NEK7: variants seen among roughly 807,000 people sequenced by gnomAD.
NEK7 encodes the protein NIMA related kinase 7.
In NEK7, 18 loss-of-function variants were observed where a neutral mutation model predicts 44.6. The ratio of observed to expected loss-of-function variants is 0.40; its 90% CI spans 0.28 to 0.60. NEK7 has a LOEUF of 0.60. Among genes scored for constraint, NEK7 ranks in the 20% least tolerant of loss-of-function variants. NEK7 has a pLI of 0.38. For synonymous variants in NEK7, 130 were observed against 121.1 expected (o/e 1.07, Z -0.48); for missense variants, 256 against 366.5 (o/e 0.70, Z 2.46).
intron 7 of NEK7, among the ~76,000 whole-genome samples, chr1:198,290,119 T>TC (rs1304130919): frequency 6.6e-6 from 1 of 152,226 alleles, no homozygotes; most frequent in East Asian, 1.9e-4. Context: ...CATAAGTATC[T>TC]GCTATTGCAA....
chr1:198,261,546 G>T (rs1571584545), intron 3 of NEK7, among the ~76,000 whole-genome samples: 1 of 151,742 alleles, frequency 6.6e-6, no homozygotes, highest in Non-Finnish European at 1.5e-5. Flanking sequence ...TCTTTTCCTG[G>T]AATGTTAGCT....
intron 5 of NEK7, among the ~76,000 whole-genome samples, chr1:198,275,030 T>A (rs1036805705): frequency 1.3e-5 from 2 of 151,764 alleles, no homozygotes; most frequent in Non-Finnish European, 3.0e-5. Flanking sequence ...TAATATAATC[T>A]GATGTTTGTA....
chr1:198,309,172 C>A (rs918981687), intron 9 of NEK7, among the ~76,000 whole-genome samples: 1 of 152,102 alleles, frequency 6.6e-6, no homozygotes, highest in Non-Finnish European at 1.5e-5. Flanking sequence ...AAGAGATATA[C>A]AGTGAGCAGA....
chr1:198,283,947 A>T (rs1274486018), intron 7 of NEK7, among the ~76,000 whole-genome samples: 2 of 152,112 alleles, frequency 1.3e-5, no homozygotes, highest in African/African-American at 4.8e-5. Flanking sequence ...CATTTACTTA[A>T]AGGCTAATTC....
chr1:198,159,302 A>AAAAG (rs1664026577), intron 1 of NEK7, among the ~76,000 whole-genome samples: 1 of 151,888 alleles, frequency 6.6e-6, no homozygotes, highest in African/African-American at 2.4e-5. Context: ...AGAAAGAAAG[A>AAAAG]AAGGAAGGAA....
chr1:198,253,194 A>C lies in NEK7; in HGVS notation c.198+14A>C. 6.5e-7 allele frequency: 1 copy of C among 1,543,192 alleles called. No individual in the cohort carries two copies. The highest frequency in any genetic ancestry group is 1.2e-5 in the South Asian group (1 of 86,644). On this transcript the variant is annotated intron_variant, in intron 3 of 9. Transcript: ENST00000367385. ...AAAAAAGTGCAGGTAAGATGACTTT[A>C]ATTATATAAATCAATGTAAAATTAT...
At chr1:198,220,229 C>T (rs1001667468) in intron 1 of NEK7, among the ~76,000 whole-genome samples, 1 of 151,940 alleles carries the variant, frequency 6.6e-6, no homozygotes, top group African/African-American at 2.4e-5. Context: ...TTCAAGCTGG[C>T]TTTTATGTCT....
intron 1 of NEK7, among the ~76,000 whole-genome samples, chr1:198,232,228 T>A (rs1215771664): frequency 1.3e-5 from 2 of 152,086 alleles, no homozygotes; most frequent in African/African-American, 4.8e-5. Context: ...GCTTACTCTG[T>A]TACTTAGCTT....
rs1664059572 is a variant in NEK7 at position 198,160,130 on chromosome 1, T to A, written c.-29+2854T>A. Among the ~76,000 whole-genome samples, 3 of 152,240 alleles carry A rather than the reference T, an allele frequency of 2.0e-5. No homozygotes were observed. In the South Asian group the frequency reaches 6.2e-4, roughly 32 times the overall value. On this transcript the variant is annotated intron_variant, in intron 1 of 9. Transcript: ENST00000367385. ...CAGTGTTTCCAGAACTAAACACTATTTTCCTAGGAACTATCTGATGTTTTA... is the reference window on the plus strand; with the variant it reads ...CAGTGTTTCCAGAACTAAACACTATATTCCTAGGAACTATCTGATGTTTTA...
At chr1:198,198,951 T>C (rs1420123301) in intron 1 of NEK7, among the ~76,000 whole-genome samples, 2 of 152,228 alleles carry the variant, frequency 1.3e-5, no homozygotes, top group African/African-American at 2.4e-5. Flanking sequence ...TTTTAATAAT[T>C]GCACTACTGC....
chr1:198,263,479 C>T (rs12074760), intron 4 of NEK7, among the ~76,000 whole-genome samples: 26,769 of 151,738 alleles, frequency 0.18, 3,390 homozygotes, highest in African/African-American at 0.33. Context: ...CATAATTTCT[C>T]AGAGAAACAA....
intron 1 of NEK7, among the ~76,000 whole-genome samples, chr1:198,179,798 AGTGTGTGTGTGTGTGTATGTAT>A (rs1664705946): frequency 6.6e-6 from 1 of 150,708 alleles, no homozygotes; most frequent in Non-Finnish European, 1.5e-5. Context: ...GTTACACAGG[AGTGTGTGTGTGTGTGTATGTAT>A]GTGTGTGTGT....
intron 1 of NEK7, among the ~76,000 whole-genome samples, chr1:198,168,198 T>C (rs535436911): frequency 6.6e-6 from 1 of 152,252 alleles, no homozygotes; most frequent in Admixed American, 6.5e-5. Context: ...TGACACTTAG[T>C]GTGAGCTAAA....
chr1:198,205,478 A>C (rs1324136346), intron 1 of NEK7, among the ~76,000 whole-genome samples: 1 of 152,170 alleles, frequency 6.6e-6, no homozygotes, highest in Non-Finnish European at 1.5e-5. Context: ...TATTTAAAAC[A>C]AAAAAAGCTC....
chr1:198,223,076 C>G (rs947530245), intron 1 of NEK7, among the ~76,000 whole-genome samples: 5 of 152,050 alleles, frequency 3.3e-5, no homozygotes, highest in African/African-American at 1.2e-4. Flanking sequence ...AGAGACTGGG[C>G]TGGAAATGTG....
chr1:198,305,547 T>C (rs929481097), intron 9 of NEK7, among the ~76,000 whole-genome samples: 3 of 152,188 alleles, frequency 2.0e-5, no homozygotes, highest in Admixed American at 1.3e-4. Flanking sequence ...TGTAAGTTTG[T>C]AATCCGGAGT....
At chr1:198,161,837 CAAAG>C (rs902996352) in intron 1 of NEK7, among the ~76,000 whole-genome samples, 1 of 151,954 alleles carries the variant, frequency 6.6e-6, no homozygotes, top group Non-Finnish European at 1.5e-5. Flanking sequence ...AACTACTAGA[CAAAG>C]AAACATACCA....
chr1:198,260,402 T>C (rs1653418967), intron 3 of NEK7, among the ~76,000 whole-genome samples: 1 of 152,002 alleles, frequency 6.6e-6, no homozygotes, highest in African/African-American at 2.4e-5. Context: ...GATTTGCCAC[T>C]CATAGTCCTT....
At position 198,239,965 on chromosome 1, in the gene NEK7, A is replaced by G. The variant is rs74857201; in HGVS notation, c.57+7328A>G. Among the ~76,000 whole-genome samples, 97 of 152,346 alleles carry G rather than the reference A, an allele frequency of 6.4e-4. No homozygotes were observed. The East Asian group carries it at 0.017, about 26-fold the overall frequency. ...CTATACTGTAGGCAGTTGTAACACA[A>G]TGATAAGTATTTATGTACCTAATCA... On this transcript the variant is annotated intron_variant, in intron 2 of 9. Coordinates refer to ENST00000367385, the MANE Select transcript of NEK7 (RefSeq NM_133494.3).
Sources: allele counts gnomAD v4.1 joint callset (sites outside exome capture counted in the v4.1 genomes callset), GRCh38; gene constraint gnomAD v4.1.1; transcripts MANE v1.5; gene names NCBI Gene and HGNC (gene_info 2026-07-23, HGNC 2026-07-21).